The following DACH1 variants were observed in gnomAD, a reference collection of about 807,000 sequenced individuals.
The protein encoded by DACH1 is dachshund homolog 1.
DACH1 carries 12 observed loss-of-function variants against 54.2 expected under a neutral mutation model. The ratio of observed to expected loss-of-function variants is 0.22; its 90% CI spans 0.14 to 0.36. The LOEUF is 0.36. DACH1 is among the 10% of genes least tolerant of loss of function. DACH1 has a pLI of 1.00. For missense variants in DACH1, 805 were observed against 929.8 expected (o/e 0.87, Z 1.75); for synonymous variants, 386 against 366.2 (o/e 1.05, Z -0.62).
At chr13:71,500,622 T>A (rs1879832344) in intron 6 of DACH1, among the ~76,000 whole-genome samples, 2 of 152,150 alleles carry the variant, frequency 1.3e-5, no homozygotes, top group South Asian at 4.1e-4. Flanking sequence ...CAATAACTGA[T>A]TGACCCAAAG....
intron 3 of DACH1, among the ~76,000 whole-genome samples, chr13:71,597,361 T>A (rs542214652): frequency 6.6e-6 from 1 of 152,194 alleles, no homozygotes; most frequent in African/African-American, 2.4e-5. Flanking sequence ...ACAATAAGTA[T>A]ACATAATTTT....
At chr13:71,750,257 C>A (rs1429061999) in intron 1 of DACH1, among the ~76,000 whole-genome samples, 1 of 152,186 alleles carries the variant, frequency 6.6e-6, no homozygotes, top group Non-Finnish European at 1.5e-5. Context: ...ACTCTCTTTG[C>A]ATGCCAGTAG....
intron 1 of DACH1, among the ~76,000 whole-genome samples, chr13:71,833,068 A>G (rs1888655544): frequency 6.6e-6 from 1 of 151,938 alleles, no homozygotes; most frequent in Non-Finnish European, 1.5e-5. Context: ...TCTGAGATCT[A>G]TGTGAATAGA....
chr13:71,453,104 A>G (rs1037621567), intron 10 of DACH1, among the ~76,000 whole-genome samples: 2 of 152,220 alleles, frequency 1.3e-5, no homozygotes, highest in Non-Finnish European at 2.9e-5. Context: ...TGTACCAGCA[A>G]GTGAGAATGG....
chr13:71,704,305 G>A (rs1000265595), intron 1 of DACH1: 34 of 334,332 alleles, frequency 1.0e-4, no homozygotes, highest in African/African-American at 6.8e-4. Context: ...TAGACATCAA[G>A]AGAATGCGTA....
At chr13:71,744,450 C>T (rs550059806) in intron 1 of DACH1, among the ~76,000 whole-genome samples, 1 of 152,208 alleles carries the variant, frequency 6.6e-6, no homozygotes, top group Non-Finnish European at 1.5e-5. Flanking sequence ...TGATATCCTG[C>T]CTGGAGGACG....
At chr13:71,854,686 C>T (rs1873886606) in intron 1 of DACH1, among the ~76,000 whole-genome samples, 1 of 152,050 alleles carries the variant, frequency 6.6e-6, no homozygotes, top group African/African-American at 2.4e-5. Flanking sequence ...AAGACCAGCA[C>T]AATGATCTTA....
chr13:71,731,909 C>T (rs961904784), intron 1 of DACH1, among the ~76,000 whole-genome samples: 12 of 152,182 alleles, frequency 7.9e-5, no homozygotes, highest in Admixed American at 7.2e-4. Context: ...TCTTTTGCTT[C>T]ATTATGCTGT....
At chr13:71,545,533 A>G (rs1883408568) in intron 6 of DACH1, among the ~76,000 whole-genome samples, 1 of 149,566 alleles carries the variant, frequency 6.7e-6, no homozygotes, top group South Asian at 2.2e-4. Context: ...AAAGGAAGGA[A>G]GAAGGGAGGG....
At chr13:71,443,386 G>A (rs1197442159) in intron 10 of DACH1, among the ~76,000 whole-genome samples, 1 of 151,864 alleles carries the variant, frequency 6.6e-6, no homozygotes, top group Admixed American at 6.6e-5. Flanking sequence ...CTGAGCCCAG[G>A]AGTTCGAGAC....
intron 10 of DACH1, among the ~76,000 whole-genome samples, chr13:71,460,577 TG>T (rs1206675958): frequency 6.6e-5 from 10 of 152,152 alleles, no homozygotes; most frequent in Admixed American, 3.9e-4. Context: ...TTGACACGGT[TG>T]TCTTGTTGGG....
chr13:71,619,831 C>T (rs886541222), intron 3 of DACH1, among the ~76,000 whole-genome samples: 3 of 151,670 alleles, frequency 2.0e-5, no homozygotes, highest in Non-Finnish European at 3.0e-5. Context: ...AAAACAGTGC[C>T]AATATGTACT....
intron 6 of DACH1, among the ~76,000 whole-genome samples, chr13:71,524,056 C>T (rs1026215293): frequency 3.3e-5 from 5 of 152,184 alleles, no homozygotes; most frequent in East Asian, 3.9e-4. Context: ...TAACACATTG[C>T]TTAAATTGCT....
chr13:71,639,952 G>C (rs1459517144), intron 2 of DACH1, among the ~76,000 whole-genome samples: 1 of 151,638 alleles, frequency 6.6e-6, no homozygotes, highest in African/African-American at 2.4e-5. Flanking sequence ...AACCTCTTGG[G>C]GTCTTAAACT....
intron 1 of DACH1, among the ~76,000 whole-genome samples, chr13:71,720,479 C>G (rs1883183729): frequency 6.6e-6 from 1 of 152,090 alleles, no homozygotes; most frequent in Admixed American, 6.6e-5. Context: ...AGGCTCAGCT[C>G]ATAATCATGT....
intron 10 of DACH1, among the ~76,000 whole-genome samples, chr13:71,464,975 T>G (rs1876434613): frequency 6.6e-6 from 1 of 152,062 alleles, no homozygotes; most frequent in African/African-American, 2.4e-5. Flanking sequence ...TTAGAAAGTG[T>G]GACACAAGAC....
At chr13:71,674,199 C>T (rs1256758990) in intron 2 of DACH1, among the ~76,000 whole-genome samples, 1 of 152,002 alleles carries the variant, frequency 6.6e-6, no homozygotes, top group African/African-American at 2.4e-5. Flanking sequence ...TCTACCATAC[C>T]CCACCTGGAC....
chr13:71,782,438 C>CAAAT (rs1335090932), intron 1 of DACH1, among the ~76,000 whole-genome samples: 4 of 151,012 alleles, frequency 2.6e-5, no homozygotes, highest in Non-Finnish European at 4.4e-5. Flanking sequence ...GAGACTGTCT[C>CAAAT]AAATAAATAA....
intron 1 of DACH1, among the ~76,000 whole-genome samples, chr13:71,864,060 T>C (rs983045664): frequency 2.6e-5 from 4 of 151,952 alleles, no homozygotes; most frequent in African/African-American, 9.7e-5. Flanking sequence ...TTTTACATTC[T>C]GCACGACCAA....
Sources: gnomAD v4.1 joint callset for allele counts (sites outside exome capture counted in the v4.1 genomes callset) on GRCh38, gnomAD v4.1.1 for gene constraint, MANE v1.5 for transcripts, NCBI Gene and HGNC (gene_info 2026-07-23, HGNC 2026-07-21) for gene names.